Variants in CDC42BPA observed in about 807,000 individuals in gnomAD.
The protein encoded by CDC42BPA is CDC42 binding protein kinase alpha, also known as serine/threonine-protein kinase MRCK alpha.
A neutral mutation model predicts 223.5 loss-of-function variants in CDC42BPA; 80 were observed. The ratio of observed to expected loss-of-function variants is 0.36; its 90% confidence interval spans 0.30 to 0.43. The LOEUF (loss-of-function observed/expected upper bound fraction) is 0.43. CDC42BPA is among the 20% of genes least tolerant of loss of function. The pLI is 1.00. For missense variants in CDC42BPA, 1,743 were observed against 2,099.9 expected (o/e 0.83, Z 3.32); for synonymous variants, 694 against 718.6 (o/e 0.97, Z 0.55).
At chr1:227,048,753 G>GGAAAAAAAAAAAAA (rs1553313427) in intron 22 of CDC42BPA, among the ~76,000 whole-genome samples, 1 of 112,554 alleles carries the variant, frequency 8.9e-6, no homozygotes, top group Non-Finnish European at 1.8e-5. Context: ...AAAGTAGTGA[G>GGAAAAAAAAAAAAA]AAAAAAAAAA....
chr1:227,078,128 C>G (rs1679889375), intron 17 of CDC42BPA, among the ~76,000 whole-genome samples: 1 of 152,072 alleles, frequency 6.6e-6, no homozygotes, highest in South Asian at 2.1e-4. Flanking sequence ...TATTCTTTTA[C>G]AAAAATTCTC....
chr1:227,096,509 G>A (rs892491629), intron 15 of CDC42BPA, among the ~76,000 whole-genome samples: 6 of 152,028 alleles, frequency 3.9e-5, no homozygotes, highest in Non-Finnish European at 8.8e-5. Context: ...CCAAAATCTG[G>A]CTTCTGCCTC....
chr1:227,239,968 T>C (rs1333554885), intron 2 of CDC42BPA, among the ~76,000 whole-genome samples: 2 of 152,206 alleles, frequency 1.3e-5, no homozygotes, highest in East Asian at 3.9e-4. Context: ...GTAAAAAGGA[T>C]GCGTCCCTAT....
intron 1 of CDC42BPA, among the ~76,000 whole-genome samples, chr1:227,261,124 C>CTTTT (rs386369874): frequency 8.3e-6 from 1 of 121,002 alleles, no homozygotes; most frequent in Non-Finnish European, 1.7e-5. Flanking sequence ...TTGAGTTTTT[C>CTTTT]TTTTTTTTTG....
At chr1:227,036,421 CTTTTTTTTTT>C (rs56254464) in intron 24 of CDC42BPA, among the ~76,000 whole-genome samples, 2 of 71,130 alleles carry the variant, frequency 2.8e-5, no homozygotes, top group Admixed American at 1.9e-4. Context: ...CTTCAATTCA[CTTTTTTTTTT>C]TTTTTTTTTT....
At chr1:227,091,748 T>C (rs1261711748) in intron 16 of CDC42BPA, 138 bp downstream of exon 16, 7 of 512,726 alleles carry the variant, frequency 1.4e-5, no homozygotes, top group Non-Finnish European at 2.4e-5. Flanking sequence ...GAATTGCATA[T>C]ATCATAGAAG....
chr1:227,108,512 G>T (rs1686325411), intron 14 of CDC42BPA, among the ~76,000 whole-genome samples: 1 of 151,404 alleles, frequency 6.6e-6, no homozygotes, highest in African/African-American at 2.4e-5. Context: ...ATGTTTTTTG[G>T]CCTAACATGT....
intron 6 of CDC42BPA, among the ~76,000 whole-genome samples, chr1:227,159,298 C>T (rs1487419293): frequency 6.6e-6 from 1 of 152,052 alleles, no homozygotes; most frequent in East Asian, 1.9e-4. Context: ...ACCAGCCTGA[C>T]CAACATGGTG....
intron 3 of CDC42BPA, among the ~76,000 whole-genome samples, chr1:227,203,441 C>G (rs574107372): frequency 3.9e-4 from 60 of 152,150 alleles, no homozygotes; most frequent in African/African-American, 1.4e-3. Flanking sequence ...AAGCCCTGTT[C>G]TAGATCAATA....
intron 11 of CDC42BPA, among the ~76,000 whole-genome samples, chr1:227,124,998 C>A (rs191376037): frequency 6.6e-6 from 1 of 151,970 alleles, no homozygotes; most frequent in African/African-American, 2.4e-5. Flanking sequence ...AACAACATAA[C>A]GGTGAGTTTT....
In CDC42BPA at chr1:226,994,854, C is replaced by G; in HGVS notation, c.5102G>C (p.Ser1701Thr). 1 of 1,613,658 alleles carries G rather than the reference C, an allele frequency of 6.2e-7. No individual in the cohort carries two copies. Among genetic ancestry groups the G allele is most frequent in the Non-Finnish European group, 8.5e-7 (1 of 1,179,730 alleles). ...SLSSGGMDQG[S>T]DAPARDFDGE... is the part of the protein sequence containing the mutation. Reference sequence around the variant, plus strand: ...GTCAAAGTCCCTCGCTGGGGCATCACTTCCTTGGTCCATGCCTCCAGAGGA... The same window carrying G: ...GTCAAAGTCCCTCGCTGGGGCATCAGTTCCTTGGTCCATGCCTCCAGAGGA... The change falls in exon 36 of 37, where the codon AGT (serine) becomes ACT (threonine). Residue 1701 changes from serine to threonine, a missense_variant. Ser to Thr is a moderately conservative substitution (Grantham distance 58). This residue lies in a region of CDC42BPA where 200 missense variants were observed against 192.8 expected (regional missense o/e 1.04). Coordinates refer to ENST00000366766, the MANE Select transcript of CDC42BPA (RefSeq NM_001394014.1). The surrounding 1 kb of genome is among the most constrained non-coding windows in gnomAD (Gnocchi z 4.0).
chr1:227,028,622 T>C, intron 30 of CDC42BPA, 35 bp downstream of exon 30: 1 of 1,362,186 alleles, frequency 7.3e-7, no homozygotes. Context: ...AGAAGAGATA[T>C]AAAGATAAGA....
intron 25 of CDC42BPA, 129 bp downstream of exon 25, chr1:227,035,342 A>G (rs1461310580): frequency 2.9e-6 from 2 of 678,428 alleles, no homozygotes; most frequent in Non-Finnish European, 4.7e-6. Context: ...TAGATGAAAT[A>G]AAATTATTAG....
chr1:226,994,980 C>T lies in CDC42BPA; in HGVS notation c.4976G>A (p.Arg1659Lys). 6.2e-7 allele frequency: 1 copy of T among 1,611,870 alleles called. No individual in the cohort carries two copies. The change falls in exon 36 of 37, where the codon AGG becomes AAG. Residue 1659 changes from arginine to lysine, a missense_variant and splice_region_variant. Physicochemically the swap from Arg to Lys is conservative, Grantham distance 26. Coordinates refer to ENST00000366766, the MANE Select transcript of CDC42BPA (RefSeq NM_001394014.1). The surrounding 1 kb of genome is among the most constrained non-coding windows in gnomAD (Gnocchi z 4.0). The stretch of plus-strand genomic sequence containing the variant: ...TGCGCTGCCATTCTGTGCGGATGAC[C>T]CTACAGTACATCATGCAGGCAAAAT... ...SMSASSGLSA[R>K]SSAQNGSALK... is the part of the protein sequence containing the mutation.
chr1:227,087,971 T>C (rs146928264), intron 16 of CDC42BPA, among the ~76,000 whole-genome samples: 2 of 152,072 alleles, frequency 1.3e-5, no homozygotes, highest in African/African-American at 4.8e-5. Context: ...CAGTTGGAGA[T>C]TTGCAAGAGA....
At chr1:227,310,980 C>T (rs1483833641) in intron 1 of CDC42BPA, among the ~76,000 whole-genome samples, 1 of 152,024 alleles carries the variant, frequency 6.6e-6, no homozygotes, top group Non-Finnish European at 1.5e-5. Context: ...CGTAAACCAC[C>T]GCACCCGGCC....
At chr1:227,150,036 C>G (rs1163875909) in intron 6 of CDC42BPA, among the ~76,000 whole-genome samples, 1 of 151,900 alleles carries the variant, frequency 6.6e-6, no homozygotes, top group East Asian at 1.9e-4. Flanking sequence ...CCAGCCTGGG[C>G]AACATCGTGA....
At chr1:227,029,292 G>T in intron 29 of CDC42BPA, 42 bp from the exon 30 acceptor site, 8 of 1,276,418 alleles carry the variant, frequency 6.3e-6, no homozygotes, top group East Asian at 2.5e-5. Flanking sequence ...TAGTTTTATT[G>T]ATTAATCATA....
At chr1:227,307,454 G>T (rs16847612) in intron 1 of CDC42BPA, among the ~76,000 whole-genome samples, 23,959 of 152,044 alleles carry the variant, frequency 0.16, 2,180 homozygotes, top group East Asian at 0.37. Flanking sequence ...CCCAAACTCT[G>T]TCAGCTGTTC....
Sources: allele counts gnomAD v4.1 joint callset (sites outside exome capture counted in the v4.1 genomes callset), GRCh38; gene constraint gnomAD v4.1.1; regional missense constraint gnomAD v4.1.1; non-coding constraint Gnocchi (gnomAD v3.1); transcripts MANE v1.5; gene names NCBI Gene and HGNC (gene_info 2026-07-23, HGNC 2026-07-21).